Variants in CBLB observed in about 807,000 individuals in gnomAD.
CBLB encodes Cbl proto-oncogene B, also known as E3 ubiquitin-protein ligase CBL-B.
In CBLB, 31 loss-of-function variants were observed where a neutral mutation model predicts 104.9. The ratio of observed to expected loss-of-function variants is 0.30; its 90% CI spans 0.22 to 0.40. CBLB has a LOEUF of 0.40. Ranked by LOEUF, CBLB falls within the 10% of genes least tolerant of loss-of-function variation. CBLB has a pLI of 1.00. For missense variants in CBLB, 1,062 were observed against 1,214.6 expected (o/e 0.87, Z 1.87); for synonymous variants, 440 against 422.6 (o/e 1.04, Z -0.51).
At chr3:105,790,477 CT>C (rs1280407438) in intron 3 of CBLB, among the ~76,000 whole-genome samples, 4 of 152,196 alleles carry the variant, frequency 2.6e-5, no homozygotes, top group African/African-American at 9.7e-5. Flanking sequence ...GTTCCATCGA[CT>C]TTAATAAAGT....
At chr3:105,864,973 A>G (rs2092340940) in intron 2 of CBLB, among the ~76,000 whole-genome samples, 1 of 152,190 alleles carries the variant, frequency 6.6e-6, no homozygotes, top group African/African-American at 2.4e-5. Flanking sequence ...AATATTAACT[A>G]TACACTTAAC....
At chr3:105,701,636 G>A (rs1283162287) in intron 12 of CBLB, among the ~76,000 whole-genome samples, 1 of 152,010 alleles carries the variant, frequency 6.6e-6, no homozygotes, top group Non-Finnish European at 1.5e-5. Flanking sequence ...GGTGGCAGGT[G>A]CCTGCAATCC....
At chr3:105,821,890 A>G (rs928037671) in intron 3 of CBLB, among the ~76,000 whole-genome samples, 1 of 152,140 alleles carries the variant, frequency 6.6e-6, no homozygotes, top group Admixed American at 6.6e-5. Context: ...AATATAAATG[A>G]ACAGAGATGT....
chr3:105,729,892 A>G (rs2074120002), intron 9 of CBLB, among the ~76,000 whole-genome samples: 1 of 152,146 alleles, frequency 6.6e-6, no homozygotes, highest in African/African-American at 2.4e-5. Context: ...TGTTCATGCA[A>G]TAATACAAAA....
In CBLB at chr3:105,776,555, G is replaced by C; in HGVS notation, c.420-13C>G. The C allele has an allele frequency of 6.2e-7, 1 of 1,612,468 alleles. No individual in the cohort carries two copies. Among genetic ancestry groups the C allele is most frequent in the South Asian group, 1.1e-5 (1 of 91,014 alleles). ...TGTGAGATTTCGTCTGTAGGCACAAGGGAAAAAAATGAAGATAAGAAATAA... is the reference window on the plus strand; with the variant it reads ...TGTGAGATTTCGTCTGTAGGCACAACGGAAAAAAATGAAGATAAGAAATAA... On this transcript the variant is annotated splice_polypyrimidine_tract_variant and intron_variant, in intron 3 of 18. Transcript: ENST00000394030.
chr3:105,703,623 C>T (rs1379254835), intron 11 of CBLB, among the ~76,000 whole-genome samples: 1 of 152,126 alleles, frequency 6.6e-6, no homozygotes, highest in Non-Finnish European at 1.5e-5. Flanking sequence ...ACTCCCATCA[C>T]ATTTTTCTTG....
chr3:105,686,992 A>G (rs897684737), intron 13 of CBLB, among the ~76,000 whole-genome samples: 4 of 152,138 alleles, frequency 2.6e-5, no homozygotes, highest in African/African-American at 9.7e-5. Context: ...CAAAATGGTG[A>G]TCTGATGGCA....
intron 4 of CBLB, among the ~76,000 whole-genome samples, chr3:105,765,373 C>T (rs1368191652): frequency 6.6e-6 from 1 of 152,186 alleles, no homozygotes; most frequent in African/African-American, 2.4e-5. Context: ...TAGTTGCTCA[C>T]TCTTTCTACC....
intron 10 of CBLB, among the ~76,000 whole-genome samples, chr3:105,704,868 T>G (rs1241161187): frequency 6.6e-6 from 1 of 152,144 alleles, no homozygotes; most frequent in Non-Finnish European, 1.5e-5. Flanking sequence ...GAAAAGCCAG[T>G]AAGTATTTCA....
intron 2 of CBLB, among the ~76,000 whole-genome samples, chr3:105,858,689 A>G (rs1247544019): frequency 6.6e-6 from 1 of 152,202 alleles, no homozygotes; most frequent in Admixed American, 6.5e-5. Flanking sequence ...CACTATAGCC[A>G]TTGACTCAAA....
Position 105,716,254 on chromosome 3 carries a change from T to C in CBLB, c.1407+3793A>G, listed in dbSNP as rs182382498. 3.3e-5 allele frequency among the ~76,000 whole-genome samples: 5 copies of C among 152,288 alleles called. No individual in the cohort carries two copies. In the East Asian group the frequency reaches 5.8e-4, roughly 18 times the overall value. On this transcript the variant is annotated intron_variant, in intron 10 of 18. Transcript: ENST00000394030. ...ATCTATCAGTTTGATGCTCTGTGTA[T>C]ATATATATTTAGTATTCAGGTTGGA...
intron 3 of CBLB, among the ~76,000 whole-genome samples, chr3:105,784,446 T>C (rs2080713339): frequency 6.6e-6 from 1 of 152,230 alleles, no homozygotes; most frequent in Admixed American, 6.5e-5. Context: ...GACCTAGAGT[T>C]ATGTGATAAA....
Position 105,721,332 on chromosome 3 carries a change from A to G in CBLB, c.1204-1082T>C, listed in dbSNP as rs145514047. ...GAAATTAGTGATCTACCTGCCCAAC[A>G]GTGATGTTTGGATCAAGGATGGAAT... On this transcript the variant is annotated intron_variant, in intron 9 of 18. Coordinates refer to ENST00000394030, the MANE Select transcript of CBLB (RefSeq NM_170662.5). 2.0e-3 allele frequency among the ~76,000 whole-genome samples: 303 copies of G among 152,308 alleles called. 2 individuals are homozygous for G. The highest frequency in any genetic ancestry group is 7.1e-3 in the African/African-American group (294 of 41,556).
chr3:105,789,667 CAA>C (rs2081414069), intron 3 of CBLB, among the ~76,000 whole-genome samples: 1 of 152,076 alleles, frequency 6.6e-6, no homozygotes, highest in South Asian at 2.1e-4. Flanking sequence ...AAAATGTAAG[CAA>C]AGACATAGAA....
intron 13 of CBLB, among the ~76,000 whole-genome samples, chr3:105,689,775 CA>C (rs1426059485): frequency 6.6e-6 from 1 of 151,120 alleles, no homozygotes; most frequent in Non-Finnish European, 1.5e-5. Flanking sequence ...GTTCTCCCTC[CA>C]AAAAAATAAT....
At position 105,657,619 on chromosome 3, in the gene CBLB, C is replaced by T. The variant is rs1232214025; in HGVS notation, c.*1351G>A. The T allele has an allele frequency of 9.8e-6, 2 of 203,698 alleles. No homozygotes were observed. The highest frequency in any genetic ancestry group is 2.3e-5 in the African/African-American group (1 of 43,706). 12.6% of individuals were successfully genotyped at this position (203,698 alleles called of 1,614,324 possible). The stretch of plus-strand genomic sequence containing the variant: ...TTTAAAAACACAGTGCCTAACAGCA[C>T]CAAGCATATCATAGATGCTCAATAA... On this transcript the variant is annotated 3_prime_UTR_variant, in exon 19 of 19. Transcript: ENST00000394030.
chr3:105,819,372 A>G (rs2085501318), intron 3 of CBLB, among the ~76,000 whole-genome samples: 1 of 152,112 alleles, frequency 6.6e-6, no homozygotes, highest in Non-Finnish European at 1.5e-5. Context: ...CTATAGTCTC[A>G]GCTACTCAGG....
chr3:105,721,412 A>C (rs1576602892), intron 9 of CBLB, among the ~76,000 whole-genome samples: 1 of 152,176 alleles, frequency 6.6e-6, no homozygotes, highest in African/African-American at 2.4e-5. Flanking sequence ...TTTGTGGCAG[A>C]TCCTGTGATA....
At chr3:105,715,744 G>A (rs2071759531) in intron 10 of CBLB, among the ~76,000 whole-genome samples, 1 of 152,080 alleles carries the variant, frequency 6.6e-6, no homozygotes, top group African/African-American at 2.4e-5. Flanking sequence ...AAAAATAAAT[G>A]AGTAAGTCCA....
Sources: gnomAD v4.1 joint callset for allele counts (sites outside exome capture counted in the v4.1 genomes callset) on GRCh38, gnomAD v4.1.1 for gene constraint, MANE v1.5 for transcripts, NCBI Gene and HGNC (gene_info 2026-07-23, HGNC 2026-07-21) for gene names.